Variants in SLC4A4 observed in about 807,000 individuals in gnomAD.
SLC4A4 encodes solute carrier family 4 member 4, also known as electrogenic sodium bicarbonate cotransporter 1.
In SLC4A4, 27 loss-of-function variants were observed where a neutral mutation model predicts 111.5. That is an observed-to-expected ratio of 0.24 (90% CI 0.18 to 0.33). The LOEUF (loss-of-function observed/expected upper bound fraction) is 0.33, where lower values mean the gene tolerates loss of function less well. SLC4A4 is among the 10% of genes least tolerant of loss of function. The pLI is 1.00. For missense variants in SLC4A4, 909 were observed against 1,315.5 expected (o/e 0.69, Z 4.78); for synonymous variants, 443 against 463.4 (o/e 0.96, Z 0.57).
chr4:71,254,452 G>A (rs1441846738), intron 2 of SLC4A4, among the ~76,000 whole-genome samples: 1 of 151,896 alleles, frequency 6.6e-6, no homozygotes, highest in Non-Finnish European at 1.5e-5. Flanking sequence ...GCTGGGCTCG[G>A]TTTATTTTTA....
chr4:71,567,509 G>A (rs1445349864), intron 25 of SLC4A4, among the ~76,000 whole-genome samples: 1 of 151,662 alleles, frequency 6.6e-6, no homozygotes, highest in Non-Finnish European at 1.5e-5. Context: ...ATTTCTGACA[G>A]CATTACCCAC....
chr4:71,127,549 A>G (rs1370959113), intron 2 of SLC4A4, among the ~76,000 whole-genome samples: 1 of 152,242 alleles, frequency 6.6e-6, no homozygotes, highest in East Asian at 1.9e-4. Flanking sequence ...CAAGTGTTAT[A>G]TAAAGATTAA....
At chr4:71,495,887 C>T (rs1399636012) in intron 15 of SLC4A4, among the ~76,000 whole-genome samples, 1 of 152,032 alleles carries the variant, frequency 6.6e-6, no homozygotes, top group African/African-American at 2.4e-5. Context: ...ACACCCAGTC[C>T]CTTCCACCCA....
intron 1 of SLC4A4, among the ~76,000 whole-genome samples, chr4:71,217,309 T>A (rs1336367477): frequency 6.6e-6 from 1 of 152,212 alleles, no homozygotes; most frequent in Non-Finnish European, 1.5e-5. Flanking sequence ...GGCTCACGCC[T>A]GTAATCCCAG....
chr4:71,396,871 A>G (rs1006945426), intron 6 of SLC4A4, among the ~76,000 whole-genome samples: 8 of 152,206 alleles, frequency 5.3e-5, no homozygotes, highest in Non-Finnish European at 1.0e-4. Context: ...GATGACATCC[A>G]TCCTTTCACT....
chr4:71,463,230 A>G (rs2149094525), intron 12 of SLC4A4, among the ~76,000 whole-genome samples: 1 of 152,286 alleles, frequency 6.6e-6, no homozygotes, highest in South Asian at 2.1e-4. Flanking sequence ...CCTCTGAGAA[A>G]TCAGGTGTAG....
At chr4:71,161,681 C>T (rs1744619661) in intron 2 of SLC4A4, among the ~76,000 whole-genome samples, 1 of 152,106 alleles carries the variant, frequency 6.6e-6, no homozygotes. Flanking sequence ...ATGCTATTAA[C>T]TGTTGAATGA....
intron 18 of SLC4A4, among the ~76,000 whole-genome samples, chr4:71,543,773 C>A (rs914324563): frequency 1.3e-5 from 2 of 152,014 alleles, no homozygotes; most frequent in Non-Finnish European, 2.9e-5. Context: ...GCTGGTACTT[C>A]TAATATGGAC....
chr4:71,547,797 C>T, intron 20 of SLC4A4, 77 bp downstream of exon 20: 1 of 1,248,122 alleles, frequency 8.0e-7, no homozygotes, highest in Non-Finnish European at 1.2e-6. Flanking sequence ...TGAAATTCCT[C>T]ATGAGATATT....
intron 21 of SLC4A4, among the ~76,000 whole-genome samples, chr4:71,556,969 A>T (rs1485570122): frequency 6.6e-6 from 1 of 151,966 alleles, no homozygotes; most frequent in African/African-American, 2.4e-5. Flanking sequence ...CCCATTCGTC[A>T]CTGGCAAGGT....
At chr4:71,148,292 C>G (rs1189157390) in intron 2 of SLC4A4, among the ~76,000 whole-genome samples, 1 of 151,928 alleles carries the variant, frequency 6.6e-6, no homozygotes, top group African/African-American at 2.4e-5. Flanking sequence ...AAGTTTTTCC[C>G]ACTGGTCTCT....
chr4:71,218,710 A>G lies in SLC4A4; in HGVS notation c.-1-17866A>G, dbSNP rs543157240. On this transcript the variant is annotated intron_variant, in intron 1 of 25. Transcript: ENST00000264485. ...TTAAATCTCAGTTTTATCATCTGTA[A>G]AAGGGGGATGATAATAGTAGCAGCT... Among the ~76,000 whole-genome samples the G allele has an allele frequency of 1.2e-4, 18 of 152,244 alleles. No individual in the cohort carries two copies. In the East Asian group the frequency reaches 3.5e-3, roughly 29 times the overall value.
At chr4:71,408,650 C>T (rs1029617327) in intron 7 of SLC4A4, among the ~76,000 whole-genome samples, 1 of 152,214 alleles carries the variant, frequency 6.6e-6, no homozygotes, top group Non-Finnish European at 1.5e-5. Flanking sequence ...GCACATTACT[C>T]TTGTACCCAA....
Position 71,453,507 on chromosome 4 carries a change from A to G in SLC4A4, c.1335A>G (p.Gly445=). The G allele has an allele frequency of 6.2e-7, 1 of 1,613,862 alleles. No individual in the cohort carries two copies. The highest frequency in any genetic ancestry group is 8.5e-7 in the Non-Finnish European group (1 of 1,179,834). Residue 445 remains glycine (G), a synonymous_variant, in exon 12 of 26, where the codon GGA becomes GGG. Transcript: ENST00000264485. ...TCTCTCTGCCCAGGTTCTGTGGTGG[A>G]CTAATTAAAGACATAAAGAGGAAAG... ...ELQRTGRFCG[G]LIKDIKRKAP... is the part of the protein sequence containing the mutation.
At chr4:71,067,534 C>A (rs1364389737) in intron 1 of SLC4A4, among the ~76,000 whole-genome samples, 2 of 152,064 alleles carry the variant, frequency 1.3e-5, no homozygotes, top group African/African-American at 4.8e-5. Flanking sequence ...GATCTCCCTG[C>A]CAGCTAAATG....
intron 16 of SLC4A4, among the ~76,000 whole-genome samples, chr4:71,525,821 A>G (rs1733367756): frequency 6.6e-6 from 1 of 152,112 alleles, no homozygotes; most frequent in South Asian, 2.1e-4. Flanking sequence ...ATATTGACCT[A>G]CATAGCAGGA....
intron 1 of SLC4A4, among the ~76,000 whole-genome samples, chr4:71,086,228 T>A (rs1220206921): frequency 6.6e-6 from 1 of 151,800 alleles, no homozygotes; most frequent in South Asian, 2.1e-4. Context: ...TGTATAAGAA[T>A]GCTTGTGATT....
At chr4:71,176,139 C>T (rs189453974) in intron 2 of SLC4A4, among the ~76,000 whole-genome samples, 16 of 152,210 alleles carry the variant, frequency 1.1e-4, no homozygotes, top group South Asian at 8.3e-4. Flanking sequence ...AGAAGGAAAA[C>T]GAACAAACAG....
intron 3 of SLC4A4, among the ~76,000 whole-genome samples, chr4:71,275,277 C>T (rs1722987654): frequency 6.6e-6 from 1 of 152,166 alleles, no homozygotes; most frequent in African/African-American, 2.4e-5. Context: ...GAAGATAAGT[C>T]TAAATAGCAG....
Sources: gnomAD v4.1 joint callset for allele counts (sites outside exome capture counted in the v4.1 genomes callset) on GRCh38, gnomAD v4.1.1 for gene constraint, MANE v1.5 for transcripts, NCBI Gene and HGNC (gene_info 2026-07-23, HGNC 2026-07-21) for gene names.